DSCAM: variants seen among roughly 807,000 people sequenced by gnomAD.
DSCAM encodes the protein DS cell adhesion molecule, also known as cell adhesion molecule DSCAM.
DSCAM carries 47 observed loss-of-function variants against 217.7 expected under a neutral mutation model. The observed-to-expected ratio is 0.22, with a 90% CI of 0.17 to 0.28. The LOEUF is 0.28. Ranked by LOEUF, DSCAM falls within the 10% of genes least tolerant of loss-of-function variation. The probability of loss-of-function intolerance (pLI) is 1.00; values close to 1 mark genes in which losing one functional copy is unlikely to be tolerated. For missense variants in DSCAM, 2,080 were observed against 2,618.3 expected, an observed-to-expected ratio of 0.79 and a Z score of 4.49; for synonymous variants, 1,056 against 1,015.3, an observed-to-expected ratio of 1.04 and a Z score of -0.76.
chr21:40,266,941 T>C (rs958142267), intron 11 of DSCAM, among the ~76,000 whole-genome samples: 2 of 148,326 alleles, frequency 1.3e-5, no homozygotes, highest in African/African-American at 2.5e-5. Flanking sequence ...AAGCAAATAA[T>C]GCATGTTCTC....
intron 20 of DSCAM, among the ~76,000 whole-genome samples, chr21:40,104,701 G>A (rs1478613300): frequency 1.3e-5 from 2 of 152,092 alleles, no homozygotes; most frequent in Non-Finnish European, 2.9e-5. Flanking sequence ...TATGAACACT[G>A]GCTAATAATG....
intron 8 of DSCAM, among the ~76,000 whole-genome samples, chr21:40,315,132 C>T (rs997032029): frequency 6.6e-6 from 1 of 152,152 alleles, no homozygotes; most frequent in Non-Finnish European, 1.5e-5. Flanking sequence ...GGTGTGGTGG[C>T]TCACGCCTGT....
At chr21:40,392,752 C>T (rs1286124041) in intron 3 of DSCAM, among the ~76,000 whole-genome samples, 1 of 152,134 alleles carries the variant, frequency 6.6e-6, no homozygotes, top group Non-Finnish European at 1.5e-5. Context: ...AGAGATGCTT[C>T]CCATAAAGGA....
intron 9 of DSCAM, among the ~76,000 whole-genome samples, chr21:40,301,492 T>A (rs2036975702): frequency 6.6e-6 from 1 of 152,206 alleles, no homozygotes; most frequent in Non-Finnish European, 1.5e-5. Context: ...TAAGTTCCCA[T>A]TCACCATTTG....
At chr21:40,514,911 G>A (rs947285377) in intron 3 of DSCAM, among the ~76,000 whole-genome samples, 1 of 152,184 alleles carries the variant, frequency 6.6e-6, no homozygotes, top group African/African-American at 2.4e-5. Flanking sequence ...CCAAACTGCG[G>A]CAAGGGTGTT....
chr21:40,331,639 T>G (rs1374022974), intron 8 of DSCAM, among the ~76,000 whole-genome samples: 1 of 152,092 alleles, frequency 6.6e-6, no homozygotes, highest in Non-Finnish European at 1.5e-5. Context: ...GGCAGTGACA[T>G]CTAATTCTCC....
At position 40,563,525 on chromosome 21, in the gene DSCAM, CTATT is replaced by C. The variant is rs201146952; in HGVS notation, c.508+129281_508+129284del. On this transcript the variant is annotated intron_variant, in intron 3 of 32. Transcript: ENST00000400454. ...TAAAAATTTGTAAAACAAAATATAT[CTATT>C]TGTTTATAGTTATATGTTTATATAT... 8.3e-3 allele frequency among the ~76,000 whole-genome samples: 1,169 copies of C among 140,796 alleles called. 11 individuals are homozygous for C. Among genetic ancestry groups the C allele is most frequent in the African/African-American group, 0.021 (810 of 39,194 alleles). The allele number at this position is 140,796 out of a possible 152,430, so 92.4% of individuals were successfully genotyped here. A position where few individuals can be genotyped will look rare whatever the true frequency, so the allele number is the denominator to read the frequency against.
intron 3 of DSCAM, among the ~76,000 whole-genome samples, chr21:40,421,166 G>C (rs984222801): frequency 5.3e-5 from 8 of 152,290 alleles, no homozygotes; most frequent in South Asian, 2.1e-4. Flanking sequence ...CAAGACTTGA[G>C]AGCCATGGAG....
At chr21:40,245,789 AATGACGCTTTC>A in intron 11 of DSCAM, among the ~76,000 whole-genome samples, 1 of 152,300 alleles carries the variant, frequency 6.6e-6, no homozygotes, top group South Asian at 2.1e-4. Context: ...TGGACAAATC[AATGACGCTTTC>A]ATACTTATCT....
intron 11 of DSCAM, among the ~76,000 whole-genome samples, chr21:40,210,329 T>C (rs914924165): frequency 2.0e-5 from 3 of 152,230 alleles, no homozygotes; most frequent in Non-Finnish European, 4.4e-5. Flanking sequence ...TCACATTTAT[T>C]GCACATATAT....
At chr21:40,829,775 A>G (rs1411725861) in intron 1 of DSCAM, among the ~76,000 whole-genome samples, 1 of 152,184 alleles carries the variant, frequency 6.6e-6, no homozygotes, top group East Asian at 1.9e-4. Flanking sequence ...CACGTTGGGA[A>G]GTGGGGATGA....
intron 1 of DSCAM, among the ~76,000 whole-genome samples, chr21:40,772,703 G>A (rs1406614128): frequency 2.0e-5 from 3 of 152,132 alleles, no homozygotes; most frequent in Non-Finnish European, 4.4e-5. Context: ...CCCAAATACA[G>A]ATAACTGCCG....
At chr21:40,620,459 AAAGG>A (rs1202112426) in intron 3 of DSCAM, among the ~76,000 whole-genome samples, 4 of 108,598 alleles carry the variant, frequency 3.7e-5, no homozygotes, top group Non-Finnish European at 7.4e-5. Context: ...AAAGGAAAAG[AAAGG>A]AAGGAAGGAA....
chr21:40,530,389 G>GT (rs542175281), intron 3 of DSCAM, among the ~76,000 whole-genome samples: 17 of 152,172 alleles, frequency 1.1e-4, no homozygotes, highest in Non-Finnish European at 1.8e-4. Context: ...CAGCCCTTCA[G>GT]TTGACTGGTT....
At chr21:40,627,295 A>C (rs1338335300) in intron 3 of DSCAM, among the ~76,000 whole-genome samples, 1 of 152,232 alleles carries the variant, frequency 6.6e-6, no homozygotes, top group Non-Finnish European at 1.5e-5. Context: ...AGCTGAGTGG[A>C]CCAAATCTTA....
chr21:40,641,123 T>C (rs1482690783), intron 3 of DSCAM, among the ~76,000 whole-genome samples: 1 of 152,214 alleles, frequency 6.6e-6, no homozygotes, highest in Non-Finnish European at 1.5e-5. Flanking sequence ...ATTTTACATA[T>C]GTAACTCAGC....
intron 19 of DSCAM, among the ~76,000 whole-genome samples, chr21:40,126,453 G>A (rs763644493): frequency 3.9e-5 from 6 of 152,056 alleles, no homozygotes; most frequent in African/African-American, 7.2e-5. Flanking sequence ...CAAACAGATC[G>A]TTGGTAAATG....
At chr21:40,230,608 C>T (rs1338240688) in intron 11 of DSCAM, among the ~76,000 whole-genome samples, 1 of 152,178 alleles carries the variant, frequency 6.6e-6, no homozygotes, top group Non-Finnish European at 1.5e-5. Flanking sequence ...ACTCTAAACA[C>T]TGCTTTTGCT....
chr21:40,803,493 T>C (rs2091760219), intron 1 of DSCAM, among the ~76,000 whole-genome samples: 1 of 152,172 alleles, frequency 6.6e-6, no homozygotes, highest in African/African-American at 2.4e-5. Context: ...ATAGGTCTGA[T>C]CAATCGTGTG....
Sources: allele counts gnomAD v4.1 joint callset (sites outside exome capture counted in the v4.1 genomes callset), GRCh38; gene constraint gnomAD v4.1.1; transcripts MANE v1.5; gene names NCBI Gene and HGNC (gene_info 2026-07-23, HGNC 2026-07-21).